The following NSD1 variants were observed in gnomAD, a reference collection of about 807,000 sequenced individuals.
NSD1 encodes histone-lysine N-methyltransferase, H3 lysine-36 specific.
NSD1 carries 26 observed loss-of-function variants against 242.7 expected under a neutral mutation model. The ratio of observed to expected loss-of-function variants is 0.11; its 90% CI spans 0.08 to 0.15. NSD1 has a LOEUF of 0.15. Ranked by LOEUF, NSD1 falls within the 10% of genes least tolerant of loss-of-function variation. The pLI is 1.00. For synonymous variants in NSD1, 1,106 were observed against 1,178.1 expected (o/e 0.94, Z 1.25); for missense variants, 2,495 against 3,272.8 (o/e 0.76, Z 5.80).
chr5:177,132,015 G>A (rs937313907), upstream of NSD1, among the ~76,000 whole-genome samples: 2 of 152,230 alleles, frequency 1.3e-5, no homozygotes, highest in African/African-American at 4.8e-5. This position sits in a 1 kb window ranked among gnomAD's most constrained non-coding sequence, Gnocchi z 7.5. Flanking sequence ...GGAGTCGCAA[G>A]TTCAGGCCCA....
chr5:177,285,012 C>T (rs1292125251), intron 20 of NSD1, among the ~76,000 whole-genome samples: 1 of 152,200 alleles, frequency 6.6e-6, no homozygotes, highest in Non-Finnish European at 1.5e-5. Context: ...GGAGAATTCA[C>T]TGCTCTGTCA....
At chr5:177,267,834 C>A in intron 15 of NSD1, 116 bp downstream of exon 15, 2 of 1,019,562 alleles carry the variant, frequency 2.0e-6, no homozygotes, top group East Asian at 2.6e-5. Flanking sequence ...GTACTCCTCC[C>A]CTCTTCTTCT....
At chr5:177,273,877 A>G in intron 17 of NSD1, 93 bp downstream of exon 17, 1 of 868,716 alleles carries the variant, frequency 1.2e-6, no homozygotes, top group Non-Finnish European at 1.9e-6. Context: ...AAGCACAAGC[A>G]TAGTTCGTTT....
chr5:177,179,863 A>G (rs1301329321), intron 2 of NSD1, among the ~76,000 whole-genome samples: 1 of 152,080 alleles, frequency 6.6e-6, no homozygotes, highest in African/African-American at 2.4e-5. Flanking sequence ...TATTAAGAAA[A>G]TTGTTACTTC....
At chr5:177,241,213 T>C (rs1765833223) in intron 8 of NSD1, among the ~76,000 whole-genome samples, 1 of 151,996 alleles carries the variant, frequency 6.6e-6, no homozygotes, top group Non-Finnish European at 1.5e-5. Flanking sequence ...ATTGCTGATA[T>C]TGGCTGGGTG....
intron 2 of NSD1, among the ~76,000 whole-genome samples, chr5:177,146,436 C>A (rs952759456): frequency 6.6e-6 from 1 of 151,844 alleles, no homozygotes; most frequent in African/African-American, 2.4e-5. Flanking sequence ...AATCTCCCGA[C>A]CTTGTGATCC....
Position 177,295,321 on chromosome 5 carries a change from T to G in NSD1, c.7953T>G (p.Ser2651=), listed in dbSNP as rs1246136659. ...AGQTLAQSCW[S]AGSTQTLAQT... ...AGACACTGGCACAGTCTTGCTGGTCTGCTGGGAGCACACAGACATTGGCAC... is the reference window on the plus strand; with the variant it reads ...AGACACTGGCACAGTCTTGCTGGTCGGCTGGGAGCACACAGACATTGGCAC... The change falls in exon 23 of 23, where the codon TCT becomes TCG. Residue 2651 remains serine, a synonymous_variant. Coordinates refer to ENST00000439151, the MANE Select transcript of NSD1 (RefSeq NM_022455.5). This position sits in a 1 kb window ranked among gnomAD's most constrained non-coding sequence, Gnocchi z 4.3. 4 of 1,613,924 alleles carry G rather than the reference T, an allele frequency of 2.5e-6. No homozygotes were observed. The South Asian group carries it at 3.3e-5, about 13-fold the overall frequency.
At chr5:177,185,849 ATATT>A (rs1761116990) in intron 2 of NSD1, among the ~76,000 whole-genome samples, 2 of 87,062 alleles carry the variant, frequency 2.3e-5, no homozygotes, top group Middle Eastern at 4.6e-3. Context: ...ATTTAAATAT[ATATT>A]ATATATTATA....
chr5:177,192,368 G>T (rs1224045348), intron 3 of NSD1, among the ~76,000 whole-genome samples: 5 of 151,408 alleles, frequency 3.3e-5, no homozygotes, highest in African/African-American at 1.2e-4. Flanking sequence ...CCGCCACCAC[G>T]CTTGGCTAAT....
chr5:177,248,128 A>C lies in NSD1; in HGVS notation c.4498-53A>C, dbSNP rs1305269153. ...ATAGCAGCCCAGAGGGAGGGGGTCA[A>C]ATGGAAGAGACATCAATAATACAGA... is the stretch of plus-strand genomic sequence containing the variant. On this transcript the variant is annotated intron_variant, in intron 10 of 22. Transcript: ENST00000439151. The C allele has an allele frequency of 6.2e-6, 10 of 1,608,344 alleles. No individual in the cohort carries two copies. The Admixed American group carries it at 1.0e-4, about 16-fold the overall frequency.
Position 177,298,308 on chromosome 5 carries a change from GTGTT to G in NSD1, c.*2852_*2855del. 4.3e-6 allele frequency: 1 copy of G among 233,314 alleles called. No homozygotes were observed. Among genetic ancestry groups the G allele is most frequent in the Non-Finnish European group, 8.5e-6 (1 of 118,062 alleles). The allele number at this position is 233,314 out of a possible 1,614,324, so 14.5% of individuals were successfully genotyped here. A position where few individuals can be genotyped will look rare whatever the true frequency, so the allele number is the denominator to read the frequency against. ...GTGCTTGGAAATTGAGATCTCAAGAGTGTTTGCCTTGGAGCCAGCTCCCCAGGAG... is the reference window on the plus strand; with the variant it reads ...GTGCTTGGAAATTGAGATCTCAAGAGTGCCTTGGAGCCAGCTCCCCAGGAG... On this transcript the variant is annotated 3_prime_UTR_variant, in exon 23 of 23. Transcript: ENST00000439151.
intron 2 of NSD1, among the ~76,000 whole-genome samples, chr5:177,161,947 G>A (rs1395685622): frequency 6.6e-6 from 1 of 151,974 alleles, no homozygotes; most frequent in Non-Finnish European, 1.5e-5. Context: ...CACTGTTCTA[G>A]GCACTTGTTT....
At chr5:177,224,039 GTAAT>G (rs1193829349) in intron 5 of NSD1, among the ~76,000 whole-genome samples, 1 of 150,224 alleles carries the variant, frequency 6.7e-6, no homozygotes, top group Non-Finnish European at 1.5e-5. Flanking sequence ...TATTTTTGTA[GTAAT>G]TAATTACAGT....
chr5:177,274,228 G>T (rs760990906), intron 17 of NSD1, among the ~76,000 whole-genome samples: 2 of 152,188 alleles, frequency 1.3e-5, no homozygotes, highest in Non-Finnish European at 2.9e-5. Context: ...CCAGTGTCAG[G>T]AGAATTGATT....
At chr5:177,146,606 A>G (rs1417997997) in intron 2 of NSD1, among the ~76,000 whole-genome samples, 1 of 152,326 alleles carries the variant, frequency 6.6e-6, no homozygotes, top group South Asian at 2.1e-4. Context: ...CTATCAGGAC[A>G]TTCTGGATGT....
chr5:177,290,493 C>A (rs903286738), intron 21 of NSD1, among the ~76,000 whole-genome samples: 1 of 151,522 alleles, frequency 6.6e-6, no homozygotes, highest in South Asian at 2.1e-4. Context: ...CTGTAACCTC[C>A]GTCTCCCAGG....
Position 177,135,865 on chromosome 5 carries a change from C to A in NSD1, c.762C>A (p.Leu254=). ...GCAGCAATGAAAAAGCAGCCCTTCT[C>A]CCAGCCCCCTTTTCACTAGGAGACA... ...VDGSNEKAAL[L]PAPFSLGDTN... is the part of the protein sequence containing the mutation. The change falls in exon 2 of 23, where the codon CTC becomes CTA. Residue 254 remains leucine, a synonymous_variant. Coordinates refer to ENST00000439151, the MANE Select transcript of NSD1 (RefSeq NM_022455.5). 6.2e-7 allele frequency: 1 copy of A among 1,606,692 alleles called. No homozygotes were observed. The highest frequency in any genetic ancestry group is 1.1e-5 in the South Asian group (1 of 90,600).
chr5:177,206,815 T>C (rs1762902122), intron 4 of NSD1, among the ~76,000 whole-genome samples: 1 of 151,854 alleles, frequency 6.6e-6, no homozygotes, highest in Non-Finnish European at 1.5e-5. Flanking sequence ...TGATTTACTC[T>C]GGTCACAGTC....
rs756449994 is a variant in NSD1 at position 177,210,045 on chromosome 5, A to C, written c.1646A>C (p.Asn549Thr). 5.0e-6 allele frequency: 8 copies of C among 1,614,000 alleles called. No individual in the cohort carries two copies. The highest frequency in any genetic ancestry group is 1.7e-5 in the Admixed American group (1 of 59,990). Residue 549 changes from asparagine to threonine, a missense_variant, in exon 5 of 23, where the codon AAT becomes ACT. Transcript: ENST00000439151. ...GATATATCTGATACGCAGGCCTCTA[A>C]TGAACTTTCCAGGATAGCAAATAGC... ...SGDISDTQASNELSRIANSLT... is the reference protein window; with the variant it reads ...SGDISDTQASTELSRIANSLT...
Sources: allele counts gnomAD v4.1 joint callset (sites outside exome capture counted in the v4.1 genomes callset), GRCh38; gene constraint gnomAD v4.1.1; non-coding constraint Gnocchi (gnomAD v3.1); transcripts MANE v1.5; gene names NCBI Gene and HGNC (gene_info 2026-07-23, HGNC 2026-07-21).